GRIN2B: variants seen among roughly 807,000 people sequenced by gnomAD.
The protein encoded by GRIN2B is glutamate ionotropic receptor NMDA type subunit 2B.
In GRIN2B, 5 loss-of-function variants were observed where a neutral mutation model predicts 114.5. The observed-to-expected ratio is 0.04, with a 90% CI of 0.02 to 0.09. GRIN2B has a LOEUF of 0.09. GRIN2B is among the 10% of genes least tolerant of loss of function. GRIN2B has a pLI of 1.00. For missense variants in GRIN2B, 1,108 were observed against 1,943.5 expected, an observed-to-expected ratio of 0.57 and a Z score of 8.08; for synonymous variants, 787 against 745.1, an observed-to-expected ratio of 1.06 and a Z score of -0.92.
At chr12:13,857,977 T>C (rs1865692675) in intron 3 of GRIN2B, among the ~76,000 whole-genome samples, 1 of 151,958 alleles carries the variant, frequency 6.6e-6, no homozygotes, top group African/African-American at 2.4e-5. Context: ...CTGACATCAC[T>C]GAGCCAGTGA....
chr12:13,714,967 A>C (rs1420154853), intron 4 of GRIN2B, among the ~76,000 whole-genome samples: 1 of 151,936 alleles, frequency 6.6e-6, no homozygotes, highest in African/African-American at 2.4e-5. Flanking sequence ...AGATAAAATT[A>C]GGTGCCAACC....
In GRIN2B at chr12:13,779,854, C is replaced by T. The variant is rs533180103; in HGVS notation, c.412-25939G>A. 1.8e-4 allele frequency among the ~76,000 whole-genome samples: 27 copies of T among 152,232 alleles called. No homozygotes were observed. In the South Asian group the frequency reaches 2.1e-3, roughly 12 times the overall value. Reference sequence around the variant, plus strand: ...TGCCTCAGTTGCCCCATCTGTCAAACGGTAATAATGATAGAACACACGTCG... The same window carrying T: ...TGCCTCAGTTGCCCCATCTGTCAAATGGTAATAATGATAGAACACACGTCG... On this transcript the variant is annotated intron_variant, in intron 3 of 13. Coordinates refer to ENST00000609686, the MANE Select transcript of GRIN2B (RefSeq NM_000834.5).
At chr12:13,743,320 C>A (rs1863317349) in intron 4 of GRIN2B, among the ~76,000 whole-genome samples, 1 of 152,094 alleles carries the variant, frequency 6.6e-6, no homozygotes, top group Admixed American at 6.6e-5. Context: ...GAATATGTGA[C>A]CTCTTGTCCT....
At chr12:13,713,379 C>T (rs1389800664) in intron 4 of GRIN2B, among the ~76,000 whole-genome samples, 2 of 151,814 alleles carry the variant, frequency 1.3e-5, no homozygotes, top group Non-Finnish European at 2.9e-5. Flanking sequence ...GCTTAAGCCT[C>T]CCATATTCAA....
chr12:13,878,156 C>T (rs1019367286), intron 2 of GRIN2B, among the ~76,000 whole-genome samples: 3 of 152,112 alleles, frequency 2.0e-5, no homozygotes, highest in Non-Finnish European at 4.4e-5. Flanking sequence ...TGGTAAACTT[C>T]CCAGTCGTCC....
rs139500275 is a variant in GRIN2B, at chr12:13,783,599, G to T, written c.412-29684C>A. Among the ~76,000 whole-genome samples the T allele has an allele frequency of 2.7e-3, 411 of 152,216 alleles. 2 individuals are homozygous for T. Among genetic ancestry groups the T allele is most frequent in the African/African-American group, 9.6e-3 (397 of 41,526 alleles). ...CGCGATGATCTTGGCATAAGAATCTGGGGCACATGGACAAAGAGAGCTGAC... is the reference window on the plus strand; with the variant it reads ...CGCGATGATCTTGGCATAAGAATCTTGGGCACATGGACAAAGAGAGCTGAC... On this transcript the variant is annotated intron_variant, in intron 3 of 13. Coordinates refer to ENST00000609686, the MANE Select transcript of GRIN2B (RefSeq NM_000834.5).
intron 3 of GRIN2B, among the ~76,000 whole-genome samples, chr12:13,776,972 GAT>G (rs1388499806): frequency 6.6e-6 from 1 of 152,126 alleles, no homozygotes; most frequent in African/African-American, 2.4e-5. Flanking sequence ...AGGCAGGAGA[GAT>G]TAATAATACA....
At chr12:13,932,992 T>TGC in intron 2 of GRIN2B, among the ~76,000 whole-genome samples, 1 of 145,954 alleles carries the variant, frequency 6.9e-6, no homozygotes, top group Non-Finnish European at 1.5e-5. Context: ...TGTGTGCGTG[T>TGC]GCGTGTGTGT....
At chr12:13,812,166 A>G (rs1480808487) in intron 3 of GRIN2B, among the ~76,000 whole-genome samples, 2 of 152,202 alleles carry the variant, frequency 1.3e-5, no homozygotes, top group African/African-American at 4.8e-5. Flanking sequence ...AAATCGATTG[A>G]ACAAATATGT....
At chr12:13,714,733 A>G (rs1950441034) in intron 4 of GRIN2B, among the ~76,000 whole-genome samples, 1 of 151,838 alleles carries the variant, frequency 6.6e-6, no homozygotes, top group East Asian at 1.9e-4. Context: ...CAAATCACCT[A>G]ATTTTTTTAT....
chr12:13,608,904 A>G, intron 9 of GRIN2B, 72 bp from the exon 10 acceptor site: 1 of 1,060,394 alleles, frequency 9.4e-7, no homozygotes. Flanking sequence ...ACAAATACAC[A>G]GGGTGAGTCC....
At chr12:13,598,055 A>T (rs2136450936) in intron 10 of GRIN2B, among the ~76,000 whole-genome samples, 1 of 152,250 alleles carries the variant, frequency 6.6e-6, no homozygotes, top group East Asian at 1.9e-4. Flanking sequence ...GGTGTCAGGG[A>T]AAAGAGGAGA....
chr12:13,951,832 T>A (rs938237725), intron 2 of GRIN2B, among the ~76,000 whole-genome samples: 5 of 152,180 alleles, frequency 3.3e-5, no homozygotes, highest in Admixed American at 3.3e-4. Flanking sequence ...TTAACCTGTG[T>A]GGCTTCTGTA....
chr12:13,892,152 A>G (rs1422923236), intron 2 of GRIN2B, among the ~76,000 whole-genome samples: 1 of 152,200 alleles, frequency 6.6e-6, no homozygotes, highest in African/African-American at 2.4e-5. Context: ...TAACTGTTGA[A>G]GTGAAATGAA....
chr12:13,684,449 G>T (rs1408417862), intron 4 of GRIN2B, among the ~76,000 whole-genome samples: 1 of 152,142 alleles, frequency 6.6e-6, no homozygotes, highest in Non-Finnish European at 1.5e-5. Flanking sequence ...TCTACGCACA[G>T]AACTCAGTGA....
intron 12 of GRIN2B, 36 bp from the exon 13 acceptor site, chr12:13,567,299 G>A: frequency 6.9e-7 from 1 of 1,452,668 alleles, no homozygotes; most frequent in Non-Finnish European, 9.7e-7. Flanking sequence ...TGGATAAAAA[G>A]AGGAGACAGG....
chr12:13,873,388 C>T (rs1426619788), intron 2 of GRIN2B, among the ~76,000 whole-genome samples: 1 of 152,088 alleles, frequency 6.6e-6, no homozygotes, highest in East Asian at 1.9e-4. Context: ...TGTCAAATGG[C>T]ATCTATATAT....
intron 2 of GRIN2B, among the ~76,000 whole-genome samples, chr12:13,946,802 T>C (rs1432980051): frequency 6.6e-6 from 1 of 152,142 alleles, no homozygotes; most frequent in East Asian, 1.9e-4. Context: ...TTAAAATATA[T>C]AAAAATGTAT....
intron 12 of GRIN2B, among the ~76,000 whole-genome samples, chr12:13,568,436 A>G (rs111858652): frequency 5.3e-4 from 80 of 152,318 alleles, no homozygotes; most frequent in African/African-American, 1.8e-3. Context: ...AGTCTCCATT[A>G]TTGCCTTTGA....
Sources: allele counts gnomAD v4.1 joint callset (sites outside exome capture counted in the v4.1 genomes callset), GRCh38; gene constraint gnomAD v4.1.1; transcripts MANE v1.5; gene names NCBI Gene and HGNC (gene_info 2026-07-23, HGNC 2026-07-21).